The following C5orf24 variants were observed in gnomAD, a reference collection of about 807,000 sequenced individuals.
C5orf24 encodes the protein chromosome 5 open reading frame 24.
C5orf24 carries 4 observed loss-of-function variants against 9.8 expected under a neutral mutation model. That is an observed-to-expected ratio of 0.41 (90% CI 0.20 to 0.93). C5orf24 has a LOEUF of 0.93. C5orf24 is among the 40% of genes least tolerant of loss of function. The probability of loss-of-function intolerance (pLI) is 0.33; values close to 1 mark genes in which losing one functional copy is unlikely to be tolerated. For synonymous variants in C5orf24, 73 were observed against 81.3 expected (o/e 0.90, Z 0.55); for missense variants, 170 against 236.9 (o/e 0.72, Z 1.85).
the C5orf24 span, among the ~76,000 whole-genome samples, chr5:134,834,813 G>GAGGC: frequency 1.3e-5 from 2 of 152,110 alleles, no homozygotes; most frequent in Non-Finnish European, 2.9e-5. Context: ...TTGGGAGGCT[G>GAGGC]AGGCAGGCAG....
upstream of C5orf24, among the ~76,000 whole-genome samples, chr5:134,842,051 A>T (rs565850196): frequency 1.3e-5 from 2 of 152,312 alleles, no homozygotes; most frequent in East Asian, 3.9e-4. Context: ...GAATTTTATA[A>T]GAGGAGCTGC....
chr5:134,854,540 C>T (rs1422818887), intron 1 of C5orf24, among the ~76,000 whole-genome samples: 2 of 152,144 alleles, frequency 1.3e-5, no homozygotes, highest in Non-Finnish European at 2.9e-5. Context: ...GAGTTCTTGG[C>T]TTTACTATTA....
At chr5:134,844,222 CTTG>C (rs1234941330), upstream of C5orf24, among the ~76,000 whole-genome samples, 1 of 152,126 alleles carries the variant, frequency 6.6e-6, no homozygotes. Flanking sequence ...AGAAAAAAAA[CTTG>C]TTTTTAGATA....
At chr5:134,835,110 G>T in the C5orf24 span, among the ~76,000 whole-genome samples, 1 of 152,104 alleles carries the variant, frequency 6.6e-6, no homozygotes, top group Admixed American at 6.6e-5. Context: ...GGAGGCTGAG[G>T]CATGAGAACT....
At position 134,859,300 on chromosome 5, in the gene C5orf24, A is replaced by G. The variant is rs550834095; in HGVS notation, c.*3833A>G. 4.9e-4 allele frequency: 82 copies of G among 167,014 alleles called. 1 individual carries two copies. Among genetic ancestry groups the G allele is most frequent in the African/African-American group, 1.9e-3 (77 of 41,514 alleles). The allele number at this position is 167,014 out of a possible 1,614,324, so 10.3% of individuals were successfully genotyped here. ...ACATAAAAAATTTTGATGCTATTCTATTTTTGTTTTTATTACAGCTTAACT... is the reference window on the plus strand; with the variant it reads ...ACATAAAAAATTTTGATGCTATTCTGTTTTTGTTTTTATTACAGCTTAACT... On this transcript the variant is annotated 3_prime_UTR_variant, in exon 2 of 2. Transcript: ENST00000394976.
chr5:134,844,974 G>C (rs528287474), upstream of C5orf24, among the ~76,000 whole-genome samples: 1 of 152,194 alleles, frequency 6.6e-6, no homozygotes, highest in East Asian at 1.9e-4. Context: ...CTGACCTCGT[G>C]ATCTGCCCGC....
Position 134,855,974 on chromosome 5 carries a change from A to G in C5orf24, c.*507A>G. On this transcript the variant is annotated 3_prime_UTR_variant, in exon 2 of 2. Coordinates refer to ENST00000394976, the MANE Select transcript of C5orf24 (RefSeq NM_001135586.1). ...GGGACACATATTTGTATGCTTTGGCATTTACATCCACTTCAAATGTTAAAA... is the reference window on the plus strand; with the variant it reads ...GGGACACATATTTGTATGCTTTGGCGTTTACATCCACTTCAAATGTTAAAA... 1.0e-6 allele frequency: 1 copy of G among 1,002,604 alleles called. No individual in the cohort carries two copies. The allele number at this position is 1,002,604 out of a possible 1,614,324, so 62.1% of individuals were successfully genotyped here.
At chr5:134,839,498 T>C in the C5orf24 span, among the ~76,000 whole-genome samples, 1 of 152,166 alleles carries the variant, frequency 6.6e-6, no homozygotes, top group Non-Finnish European at 1.5e-5. Context: ...ATAAATACTA[T>C]ATAGAAGATG....
In C5orf24 at chr5:134,855,964, A is replaced by G. The variant is rs749848346; in HGVS notation, c.*497A>G. Reference sequence around the variant, plus strand: ...TTCACAAGATGGGACACATATTTGTATGCTTTGGCATTTACATCCACTTCA... The same window carrying G: ...TTCACAAGATGGGACACATATTTGTGTGCTTTGGCATTTACATCCACTTCA... On this transcript the variant is annotated 3_prime_UTR_variant, in exon 2 of 2. Transcript: ENST00000394976. 3.0e-6 allele frequency: 3 copies of G among 1,002,892 alleles called. No homozygotes were observed. Among genetic ancestry groups the G allele is most frequent in the South Asian group, 4.7e-5 (1 of 21,450 alleles). 62.1% of individuals were successfully genotyped at this position (1,002,892 alleles called of 1,614,324 possible).
Position 134,857,509 on chromosome 5 carries a change from A to G in C5orf24, c.*2042A>G, listed in dbSNP as rs1756346199. ...GTGACCTCAACAATATTAGCTTTGC[A>G]CAAACCATAGAGAACGATGTTGGAT... On this transcript the variant is annotated 3_prime_UTR_variant, in exon 2 of 2. Transcript: ENST00000394976. 9.0e-6 allele frequency: 12 copies of G among 1,338,286 alleles called. No individual in the cohort carries two copies. The highest frequency in any genetic ancestry group is 1.2e-5 in the Non-Finnish European group (12 of 1,017,802). 82.9% of individuals were successfully genotyped at this position (1,338,286 alleles called of 1,614,324 possible). A position where few individuals can be genotyped will look rare whatever the true frequency, so the allele number is the denominator to read the frequency against.
upstream of C5orf24, among the ~76,000 whole-genome samples, chr5:134,840,716 A>G (rs1271125589): frequency 1.3e-5 from 2 of 149,304 alleles, no homozygotes; most frequent in Non-Finnish European, 3.0e-5. Context: ...TTTTTCTGGT[A>G]TTGGCAGGGT....
chr5:134,853,926 A>G (rs1026368884), intron 1 of C5orf24, among the ~76,000 whole-genome samples: 3 of 152,154 alleles, frequency 2.0e-5, no homozygotes, highest in Non-Finnish European at 2.9e-5. Context: ...ACAAAAGTAC[A>G]AAAATTAGCC....
chr5:134,835,289 G>A, the C5orf24 span, among the ~76,000 whole-genome samples: 1 of 152,188 alleles, frequency 6.6e-6, no homozygotes, highest in African/African-American at 2.4e-5. Context: ...TGTTGCTCTT[G>A]GATTTTGACT....
rs1412373821 is a variant in C5orf24, at chr5:134,856,335, G to A, written c.*868G>A. ...CTATATTTTGCCTTTCATATAGAAA[G>A]TTTTAAAGTATTATGTTTAAAAACA... is the stretch of plus-strand genomic sequence containing the variant. On this transcript the variant is annotated 3_prime_UTR_variant, in exon 2 of 2. Transcript: ENST00000394976. 2.0e-6 allele frequency: 2 copies of A among 993,796 alleles called. No individual in the cohort carries two copies. The highest frequency in any genetic ancestry group is 2.4e-6 in the Non-Finnish European group (2 of 824,322). 61.6% of individuals were successfully genotyped at this position (993,796 alleles called of 1,614,324 possible).
At chr5:134,842,534 G>A (rs1336890267), upstream of C5orf24, among the ~76,000 whole-genome samples, 1 of 151,712 alleles carries the variant, frequency 6.6e-6, no homozygotes, top group Non-Finnish European at 1.5e-5. Context: ...TAGCATAAAT[G>A]AGTAGATGTG....
chr5:134,837,131 G>A, the C5orf24 span, among the ~76,000 whole-genome samples: 1 of 151,846 alleles, frequency 6.6e-6, no homozygotes, highest in African/African-American at 2.4e-5. Flanking sequence ...GCGTCACCAT[G>A]CCCGGCTAAT....
In C5orf24 at chr5:134,859,392, A is replaced by G. The variant is rs1236338138; in HGVS notation, c.*3925A>G. 1 of 166,950 alleles carries G rather than the reference A, an allele frequency of 6.0e-6. No individual in the cohort carries two copies. The highest frequency in any genetic ancestry group is 1.5e-5 in the Non-Finnish European group (1 of 68,094). The allele number at this position is 166,950 out of a possible 1,614,324, so 10.3% of individuals were successfully genotyped here. A position where few individuals can be genotyped will look rare whatever the true frequency, so the allele number is the denominator to read the frequency against. On this transcript the variant is annotated 3_prime_UTR_variant, in exon 2 of 2. Coordinates refer to ENST00000394976, the MANE Select transcript of C5orf24 (RefSeq NM_001135586.1). The stretch of plus-strand genomic sequence containing the variant: ...TTTCCCCCCTCCTCCAAATATATAA[A>G]TCTGTGCTCTCACATGTAATGTATT...
chr5:134,842,914 G>A (rs1393636293), upstream of C5orf24, among the ~76,000 whole-genome samples: 8 of 151,974 alleles, frequency 5.3e-5, no homozygotes, highest in African/African-American at 1.9e-4. Flanking sequence ...ATCCAAACTC[G>A]AAACTCAAAT....
chr5:134,852,981 C>T (rs1036294722), intron 1 of C5orf24, among the ~76,000 whole-genome samples: 8 of 152,072 alleles, frequency 5.3e-5, no homozygotes, highest in Non-Finnish European at 1.0e-4. Flanking sequence ...CTGGCTAACA[C>T]GGTGAAACCC....
Sources: gnomAD v4.1 joint callset for allele counts (sites outside exome capture counted in the v4.1 genomes callset) on GRCh38, gnomAD v4.1.1 for gene constraint, MANE v1.5 for transcripts, NCBI Gene and HGNC (gene_info 2026-07-23, HGNC 2026-07-21) for gene names.